The following TENM2 variants were observed in gnomAD, a reference collection of about 807,000 sequenced individuals.
TENM2 encodes teneurin transmembrane protein 2, also known as teneurin-2.
TENM2 carries 52 observed loss-of-function variants against 245.2 expected under a neutral mutation model. The observed-to-expected ratio is 0.21, with a 90% confidence interval of 0.17 to 0.27. TENM2 has a LOEUF of 0.27. TENM2 is among the 10% of genes least tolerant of loss of function. The pLI is 1.00. For missense variants in TENM2, 3,046 were observed against 3,666.8 expected, an observed-to-expected ratio of 0.83 and a Z score of 4.37; for synonymous variants, 1,363 against 1,438.9, an observed-to-expected ratio of 0.95 and a Z score of 1.19.
chr5:167,872,351 AAAGGAAAGAGAAG>A lies in TENM2; in HGVS notation c.503-3634_503-3622del, dbSNP rs1561880462. Among the ~76,000 whole-genome samples, 712 of 139,394 alleles carry A rather than the reference AAAGGAAAGAGAAG, an allele frequency of 5.1e-3. 8 individuals are homozygous for A. Among genetic ancestry groups the A allele is most frequent in the African/African-American group, 0.019 (672 of 35,808 alleles). 91.4% of individuals were successfully genotyped at this position (139,394 alleles called of 152,430 possible). ...GAAAGAAAGAAAGAAAGAAAGAAAG[AAAGGAAAGAGAAG>A]GAAGGAAGGAAGGAAAAGAAAGAAG... On this transcript the variant is annotated intron_variant, in intron 2 of 28. Coordinates refer to ENST00000518659, the Ensembl canonical transcript of TENM2.
At chr5:167,254,123 C>A in the TENM2 span, among the ~76,000 whole-genome samples, 1 of 151,794 alleles carries the variant, frequency 6.6e-6, no homozygotes, top group Non-Finnish European at 1.5e-5. Flanking sequence ...ACAAGAGAAC[C>A]CTTTACACTC....
the TENM2 span, among the ~76,000 whole-genome samples, chr5:167,073,287 G>A: frequency 2.0e-5 from 3 of 152,126 alleles, no homozygotes; most frequent in East Asian, 1.9e-4. Flanking sequence ...GGCTTGCTTC[G>A]TCATTTGGCT....
chr5:167,822,178 A>T (rs80295008), intron 2 of TENM2, among the ~76,000 whole-genome samples: 9,366 of 152,012 alleles, frequency 0.062, 346 homozygotes, highest in Middle Eastern at 0.11. Context: ...TTTGATTAAA[A>T]ATGTAACACC....
intron 2 of TENM2, among the ~76,000 whole-genome samples, chr5:167,477,278 A>T (rs2127522939): frequency 6.6e-6 from 1 of 152,122 alleles, no homozygotes; most frequent in South Asian, 2.1e-4. Context: ...AAAAAAAAAA[A>T]AAAATACCAT....
intron 17 of TENM2, among the ~76,000 whole-genome samples, chr5:168,203,093 G>T (rs1460338197): frequency 6.6e-6 from 1 of 152,146 alleles, no homozygotes. Flanking sequence ...AACAGCTTTT[G>T]GATTCTGTTC....
At chr5:168,082,245 C>T (rs1360568414) in intron 7 of TENM2, among the ~76,000 whole-genome samples, 3 of 152,280 alleles carry the variant, frequency 2.0e-5, no homozygotes, top group South Asian at 2.1e-4. Flanking sequence ...CTTGTGCATG[C>T]GTCACGTAGT....
intron 3 of TENM2, among the ~76,000 whole-genome samples, chr5:167,887,844 A>T (rs1020286103): frequency 6.6e-6 from 1 of 152,126 alleles, no homozygotes; most frequent in African/African-American, 2.4e-5. Context: ...ACAAGTTCCA[A>T]ACCATGCTCC....
At chr5:168,260,166 C>T (rs1768051030) in intron 27 of TENM2, 117 bp from the exon 30 acceptor site, 2 of 1,052,340 alleles carry the variant, frequency 1.9e-6, no homozygotes, top group African/African-American at 3.2e-5. Flanking sequence ...GCTCTTCCTC[C>T]CTCCCCTTTG....
intron 2 of TENM2, among the ~76,000 whole-genome samples, chr5:167,584,320 T>A (rs1775324721): frequency 6.6e-6 from 1 of 152,196 alleles, no homozygotes; most frequent in Non-Finnish European, 1.5e-5. Flanking sequence ...AGGTTTCCCA[T>A]TGGTTACTTG....
chr5:167,667,977 T>G (rs1454216019), intron 2 of TENM2, among the ~76,000 whole-genome samples: 1 of 152,204 alleles, frequency 6.6e-6, no homozygotes, highest in African/African-American at 2.4e-5. Flanking sequence ...TGAAGTTTGT[T>G]TCTTGCCTGC....
chr5:167,357,514 C>G (rs991060230), intron 1 of TENM2, among the ~76,000 whole-genome samples: 13 of 152,038 alleles, frequency 8.6e-5, no homozygotes, highest in African/African-American at 3.1e-4. Context: ...CCCGCCTCAG[C>G]CTCCCAAAGT....
chr5:167,575,504 G>T (rs1380909898), intron 2 of TENM2, among the ~76,000 whole-genome samples: 3 of 152,026 alleles, frequency 2.0e-5, no homozygotes, highest in Non-Finnish European at 2.9e-5. Flanking sequence ...GGCATGTCTC[G>T]CGTTTGCCAG....
At chr5:167,664,602 C>T (rs1755451814) in intron 2 of TENM2, among the ~76,000 whole-genome samples, 1 of 152,144 alleles carries the variant, frequency 6.6e-6, no homozygotes, top group Non-Finnish European at 1.5e-5. Context: ...CCTTTGCCTC[C>T]AGTTGGACAA....
intron 2 of TENM2, among the ~76,000 whole-genome samples, chr5:167,610,234 A>G (rs900544971): frequency 2.6e-5 from 4 of 152,140 alleles, no homozygotes; most frequent in Non-Finnish European, 4.4e-5. Flanking sequence ...TGCCTTCCCC[A>G]GAAGCACCAC....
chr5:167,123,798 T>C, the TENM2 span, among the ~76,000 whole-genome samples: 2 of 152,164 alleles, frequency 1.3e-5, no homozygotes, highest in African/African-American at 4.8e-5. Flanking sequence ...AGAAAGGAAA[T>C]GATTCTGCCA....
At position 168,086,563 on chromosome 5, in the gene TENM2, G is replaced by A. The variant is rs975606143; in HGVS notation, c.1516-4011G>A. Reference sequence around the variant, plus strand: ...CTGGGTGGCTGCAAGAGACACAAGCGGCTTTGGGAGGCAAACTTCCTCCCG... The same window carrying A: ...CTGGGTGGCTGCAAGAGACACAAGCAGCTTTGGGAGGCAAACTTCCTCCCG... On this transcript the variant is annotated intron_variant, in intron 7 of 28. Transcript: ENST00000518659. Among the ~76,000 whole-genome samples the A allele has an allele frequency of 5.3e-5, 8 of 152,188 alleles. 1 individual carries two copies. Among genetic ancestry groups the A allele is most frequent in the Admixed American group, 2.0e-4 (3 of 15,292 alleles).
At chr5:167,132,191 T>A in the TENM2 span, among the ~76,000 whole-genome samples, 1 of 152,110 alleles carries the variant, frequency 6.6e-6, no homozygotes, top group South Asian at 2.1e-4. Flanking sequence ...ATATATAACA[T>A]AAAAAGCTAA....
At chr5:167,001,225 TACATGCA>T in the TENM2 span, among the ~76,000 whole-genome samples, 1 of 152,198 alleles carries the variant, frequency 6.6e-6, no homozygotes, top group Non-Finnish European at 1.5e-5. Context: ...TCATTGTCTT[TACATGCA>T]AGCCTTGGTT....
intron 12 of TENM2, among the ~76,000 whole-genome samples, chr5:168,144,538 C>T (rs1454844214): frequency 1.3e-5 from 2 of 151,728 alleles, no homozygotes; most frequent in African/African-American, 2.4e-5. Context: ...GCATAGTATT[C>T]CATGGTGTAT....
Sources: gnomAD v4.1 joint callset for allele counts (sites outside exome capture counted in the v4.1 genomes callset) on GRCh38, gnomAD v4.1.1 for gene constraint, MANE v1.5 for transcripts, NCBI Gene and HGNC (gene_info 2026-07-23, HGNC 2026-07-21) for gene names.